The following HDAC5 variants were observed in gnomAD, a reference collection of about 807,000 sequenced individuals.
The protein encoded by HDAC5 is histone deacetylase 5.
Under a neutral mutation model 133.3 loss-of-function variants are expected in HDAC5, and 25 were observed. The ratio of observed to expected loss-of-function variants is 0.19; its 90% CI spans 0.14 to 0.26. The LOEUF is 0.26. Among genes scored for constraint, HDAC5 ranks in the 10% least tolerant of loss-of-function variants. The pLI, the probability that HDAC5 is intolerant of heterozygous loss-of-function variation, is 1.00. For synonymous variants in HDAC5, 589 were observed against 610.8 expected (o/e 0.96, Z 0.53); for missense variants, 1,041 against 1,460.5 (o/e 0.71, Z 4.68).
rs2052721291 is a variant in HDAC5, at chr17:44,117,503, T to C, written c.13A>G (p.Asn5Asp). Reference sequence around the variant, plus strand: ...ACCTCCCAGCTCTTACCCGACTCGTTGGGAGAGTTCATGCCGGCTCTGGGC... The same window carrying C: ...ACCTCCCAGCTCTTACCCGACTCGTCGGGAGAGTTCATGCCGGCTCTGGGC... MNSP[N>D]ESDGMSGREP... is the part of the protein sequence containing the mutation. The change falls in exon 2 of 27, where the codon AAC becomes GAC. Residue 5 changes from asparagine to aspartate, a missense_variant. This residue lies in a region of HDAC5 where 93 missense variants were observed against 98.8 expected (regional missense o/e 0.94). Transcript: ENST00000682912. This position sits in a 1 kb window ranked among gnomAD's most constrained non-coding sequence, Gnocchi z 4.2. 8.1e-6 allele frequency: 13 copies of C among 1,613,820 alleles called. No individual in the cohort carries two copies. Among genetic ancestry groups the C allele is most frequent in the Non-Finnish European group, 1.0e-5 (12 of 1,179,942 alleles).
intron 2 of HDAC5, among the ~76,000 whole-genome samples, chr17:44,114,761 C>T (rs2052554101): frequency 6.6e-6 from 1 of 152,210 alleles, no homozygotes; most frequent in African/African-American, 2.4e-5. Context: ...CTTTCAGCCC[C>T]ACTGAGGAGA....
intron 2 of HDAC5, among the ~76,000 whole-genome samples, chr17:44,116,612 A>C (rs2052661103): frequency 6.6e-6 from 1 of 152,138 alleles, no homozygotes; most frequent in African/African-American, 2.4e-5. Context: ...TGGAGAGCTA[A>C]AGTTGAGCAA....
At chr17:44,092,851 A>G in intron 6 of HDAC5, 45 bp from the exon 7 acceptor site, 1 of 813,096 alleles carries the variant, frequency 1.2e-6, no homozygotes, top group Non-Finnish European at 1.9e-6. Context: ...CTAGGTTATC[A>G]CCCAGTCTGC....
intron 3 of HDAC5, among the ~76,000 whole-genome samples, chr17:44,109,681 T>C (rs1458526067): frequency 2.0e-5 from 3 of 152,258 alleles, no homozygotes; most frequent in African/African-American, 7.2e-5. Flanking sequence ...CCTGGGCAGC[T>C]CAGAGCCAAA....
In HDAC5 at chr17:44,117,714, G is replaced by A. The variant is rs2052733909; in HGVS notation, c.-189-10C>T. On this transcript the variant is annotated splice_polypyrimidine_tract_variant and intron_variant, in intron 1 of 26. Coordinates refer to ENST00000682912, the MANE Select transcript of HDAC5 (RefSeq NM_005474.5). This position sits in a 1 kb window ranked among gnomAD's most constrained non-coding sequence, Gnocchi z 4.2. ...ACTCAGAACGGCATCCCTGGGGAGA[G>A]ATGGAGCAGGGTTAGAGGCCCCTAA... The A allele has an allele frequency of 1.6e-6, 1 of 634,984 alleles. No individual in the cohort carries two copies. The highest frequency in any genetic ancestry group is 2.8e-6 in the Non-Finnish European group (1 of 350,902). 39.3% of individuals were successfully genotyped at this position (634,984 alleles called of 1,614,324 possible).
At chr17:44,083,469 C>T in intron 18 of HDAC5, 76 bp downstream of exon 18, 1 of 1,060,838 alleles carries the variant, frequency 9.4e-7, no homozygotes. Context: ...GAAAGGATCC[C>T]AAGGCTGCCC....
chr17:44,108,552 A>C (rs922130921), intron 3 of HDAC5, among the ~76,000 whole-genome samples: 1 of 151,880 alleles, frequency 6.6e-6, no homozygotes, highest in Non-Finnish European at 1.5e-5. Context: ...CCATCCAAAG[A>C]AGCTTCCCTG....
At chr17:44,123,274 T>C (rs2053123644) in intron 1 of HDAC5, 1 of 309,736 alleles carries the variant, frequency 3.2e-6, no homozygotes, top group Non-Finnish European at 5.9e-6. Flanking sequence ...GGCGCCCCTG[T>C]CTGGGAGGGG....
chr17:44,078,069 C>A lies in HDAC5; in HGVS notation c.*307G>T, dbSNP rs1002098763. ...CCAGAACTGGAGAGTACTGTCTGGG[C>A]CCCCGTGCCCACCTTGAGCTGGCCC... On this transcript the variant is annotated 3_prime_UTR_variant, in exon 27 of 27. Coordinates refer to ENST00000682912, the MANE Select transcript of HDAC5 (RefSeq NM_005474.5). 1.7e-5 allele frequency: 5 copies of A among 302,492 alleles called. No homozygotes were observed. The highest frequency in any genetic ancestry group is 9.7e-5 in the Admixed American group (2 of 20,542). 18.7% of individuals were successfully genotyped at this position (302,492 alleles called of 1,614,324 possible). A position where few individuals can be genotyped will look rare whatever the true frequency, so the allele number is the denominator to read the frequency against.
At chr17:44,084,176 A>C (rs1321617831) in intron 16 of HDAC5, among the ~76,000 whole-genome samples, 2 of 151,542 alleles carry the variant, frequency 1.3e-5, no homozygotes, top group African/African-American at 4.8e-5. Flanking sequence ...AGCCACCAAA[A>C]ATGAGGGCTC....
chr17:44,121,101 GAAAAAAAAA>G (rs35741759), intron 1 of HDAC5, among the ~76,000 whole-genome samples: 1 of 87,848 alleles, frequency 1.1e-5, no homozygotes, highest in Non-Finnish European at 2.1e-5. Flanking sequence ...GCTATTTCTA[GAAAAAAAAA>G]AAAAAAAAAA....
Position 44,117,387 on chromosome 17 carries a change from C to G in HDAC5, c.22+107G>C. On this transcript the variant is annotated intron_variant, in intron 2 of 26. Coordinates refer to ENST00000682912, the MANE Select transcript of HDAC5 (RefSeq NM_005474.5). The surrounding 1 kb of genome is among the most constrained non-coding windows in gnomAD (Gnocchi z 4.2). The stretch of plus-strand genomic sequence containing the variant: ...TCTCCACTCCTTACCCCCTCATTCC[C>G]TTATAGCTCAGACAGTAAAGGTCAG... 1 of 1,246,502 alleles carries G rather than the reference C, an allele frequency of 8.0e-7. No homozygotes were observed. Among genetic ancestry groups the G allele is most frequent in the Non-Finnish European group, 1.2e-6 (1 of 844,974 alleles). 77.2% of individuals were successfully genotyped at this position (1,246,502 alleles called of 1,614,324 possible).
In HDAC5 at chr17:44,092,398, G is replaced by A; in HGVS notation, c.902C>T (p.Thr301Ile). The change falls in exon 8 of 27, where the codon ACA becomes ATA. Residue 301 changes from threonine to isoleucine, a missense_variant. This residue lies in a region of HDAC5 where 433 missense variants were observed against 531.6 expected (regional missense o/e 0.81). Transcript: ENST00000682912. ...GCCCTTACCCCCAGGCCCGGCACCTGTGATCTCAACAGCTCTCTTCTTAAA... is the reference window on the plus strand; with the variant it reads ...GCCCTTACCCCCAGGCCCGGCACCTATGATCTCAACAGCTCTCTTCTTAAA... ...STFKKRAVEI[T>I]GAGPGASSVC... is the part of the protein sequence containing the mutation. 1 of 1,613,278 alleles carries A rather than the reference G, an allele frequency of 6.2e-7. No individual in the cohort carries two copies. Among genetic ancestry groups the A allele is most frequent in the Non-Finnish European group, 8.5e-7 (1 of 1,179,332 alleles).
At chr17:44,119,609 C>T (rs1414304839) in intron 1 of HDAC5, among the ~76,000 whole-genome samples, 2 of 152,220 alleles carry the variant, frequency 1.3e-5, no homozygotes, top group East Asian at 1.9e-4. Flanking sequence ...TCCCTGGGCC[C>T]CTGGGCCCTG....
intron 3 of HDAC5, among the ~76,000 whole-genome samples, chr17:44,102,390 G>A (rs1056721989): frequency 2.6e-5 from 4 of 152,088 alleles, no homozygotes; most frequent in South Asian, 2.1e-4. Context: ...ACAGAGTCTC[G>A]CTCTGTTGCT....
intron 2 of HDAC5, among the ~76,000 whole-genome samples, chr17:44,113,165 G>A (rs2052442871): frequency 6.6e-6 from 1 of 152,212 alleles, no homozygotes; most frequent in African/African-American, 2.4e-5. Flanking sequence ...GCATAGGAGA[G>A]TGTGGCAGGA....
At position 44,088,371 on chromosome 17, in the gene HDAC5, A is replaced by G. The variant is rs1177556904; in HGVS notation, c.1599+16T>C. On this transcript the variant is annotated intron_variant, in intron 12 of 26. Coordinates refer to ENST00000682912, the MANE Select transcript of HDAC5 (RefSeq NM_005474.5). ...CCCCCACCACAGCCCCAGGCCATTC[A>G]CCTTTCCAGGCTCACCTTGCCCAGC... 1 of 1,546,222 alleles carries G rather than the reference A, an allele frequency of 6.5e-7. No individual in the cohort carries two copies. The highest frequency in any genetic ancestry group is 1.4e-5 in the African/African-American group (1 of 72,946).
chr17:44,084,541 A>T lies in HDAC5; in HGVS notation c.2305+14T>A. 4 of 1,612,904 alleles carry T rather than the reference A, an allele frequency of 2.5e-6. 1 individual carries two copies. The South Asian group carries it at 4.4e-5, about 18-fold the overall frequency. On this transcript the variant is annotated intron_variant, in intron 16 of 26. Transcript: ENST00000682912. ...ACTGAACATGCCTGCCCGCCCACCC[A>T]TGTGCCAGCTCACCGAGCAACTTCT...
chr17:44,090,290 A>G (rs1184781927), intron 11 of HDAC5, among the ~76,000 whole-genome samples: 3 of 152,228 alleles, frequency 2.0e-5, no homozygotes, highest in East Asian at 1.9e-4. Flanking sequence ...AAATTAAAAA[A>G]TAGAAAGAAT....
Sources: gnomAD v4.1 joint callset for allele counts (sites outside exome capture counted in the v4.1 genomes callset) on GRCh38, gnomAD v4.1.1 for gene constraint, gnomAD v4.1.1 regional missense constraint, Gnocchi (gnomAD v3.1) non-coding constraint, MANE v1.5 for transcripts, NCBI Gene and HGNC (gene_info 2026-07-23, HGNC 2026-07-21) for gene names.